TMOD1: variants seen among roughly 807,000 people sequenced by gnomAD.
TMOD1 encodes the protein tropomodulin-1.
In TMOD1, 17 loss-of-function variants were observed where a neutral mutation model predicts 40.6. The ratio of observed to expected loss-of-function variants is 0.42; its 90% confidence interval spans 0.29 to 0.63. The LOEUF is 0.63. Among genes scored for constraint, TMOD1 ranks in the 20% least tolerant of loss-of-function variants. The pLI, the probability that TMOD1 is intolerant of heterozygous loss-of-function variation, is 0.22. For synonymous variants in TMOD1, 181 were observed against 175.0 expected (o/e 1.03, Z -0.27); for missense variants, 391 against 447.6 (o/e 0.87, Z 1.14).
intron 3 of TMOD1, among the ~76,000 whole-genome samples, chr9:97,550,420 C>A (rs905109765): frequency 2.6e-5 from 4 of 152,114 alleles, no homozygotes; most frequent in Non-Finnish European, 5.9e-5. Context: ...TATAGTAATT[C>A]TATGTTTAAT....
At position 97,568,534 on chromosome 9, in the gene TMOD1, G is replaced by T. The variant is rs572556720; in HGVS notation, c.727-360G>T. On this transcript the variant is annotated intron_variant, in intron 7 of 9. Coordinates refer to ENST00000259365, the MANE Select transcript of TMOD1 (RefSeq NM_003275.4). ...CTTGGACAGGGAAGCAGAAAGGGAA[G>T]GGAATTCCAGGTGGGAGGGAAAGAA... 1.8e-4 allele frequency among the ~76,000 whole-genome samples: 28 copies of T among 152,270 alleles called. No homozygotes were observed. The South Asian group carries it at 5.6e-3, about 30-fold the overall frequency.
At chr9:97,576,966 T>C (rs145781252) in intron 8 of TMOD1, among the ~76,000 whole-genome samples, 416 of 152,022 alleles carry the variant, frequency 2.7e-3, no homozygotes, top group African/African-American at 9.5e-3. Context: ...CGGAAGGGGG[T>C]GGGACTGGGA....
chr9:97,542,789 G>T (rs994762697), intron 2 of TMOD1, among the ~76,000 whole-genome samples: 4 of 149,458 alleles, frequency 2.7e-5, no homozygotes, highest in East Asian at 2.0e-4. Flanking sequence ...GGCAGAAGTT[G>T]CAGTGAGCCG....
intron 2 of TMOD1, among the ~76,000 whole-genome samples, chr9:97,538,484 C>T (rs1344744091): frequency 6.6e-6 from 1 of 151,158 alleles, no homozygotes. Flanking sequence ...AAAAAAAGCA[C>T]TTGCCCAGCA....
At position 97,578,969 on chromosome 9, in the gene TMOD1, C is replaced by T. The variant is rs557265036; in HGVS notation, c.870+9932C>T. On this transcript the variant is annotated intron_variant, in intron 8 of 9. Coordinates refer to ENST00000259365, the MANE Select transcript of TMOD1 (RefSeq NM_003275.4). ...AGGAGCTGCCAGTTCCTTCTTGGGG[C>T]CTCAGATGGTTGCTGTGCCATCTCC... Among the ~76,000 whole-genome samples, 5 of 152,256 alleles carry T rather than the reference C, an allele frequency of 3.3e-5. No individual in the cohort carries two copies. In the East Asian group the frequency reaches 7.7e-4, roughly 24 times the overall value.
intron 2 of TMOD1, among the ~76,000 whole-genome samples, chr9:97,540,515 C>G (rs1217479317): frequency 1.3e-5 from 2 of 152,198 alleles, no homozygotes; most frequent in African/African-American, 4.8e-5. Flanking sequence ...AGGGCTTCAA[C>G]GTATGAGTTG....
chr9:97,577,884 T>G (rs1825645505), intron 8 of TMOD1, among the ~76,000 whole-genome samples: 1 of 152,242 alleles, frequency 6.6e-6, no homozygotes, highest in Non-Finnish European at 1.5e-5. Flanking sequence ...GTAAAATGTT[T>G]ATGACATTGT....
At chr9:97,515,823 C>T (rs1829796097) in intron 1 of TMOD1, among the ~76,000 whole-genome samples, 1 of 152,118 alleles carries the variant, frequency 6.6e-6, no homozygotes. Context: ...CTCCCTCTCC[C>T]TGTTTCTCCT....
At chr9:97,546,929 CAAA>C (rs71308254) in intron 3 of TMOD1, among the ~76,000 whole-genome samples, 2 of 55,198 alleles carry the variant, frequency 3.6e-5, no homozygotes, top group Admixed American at 2.2e-4. Context: ...ACTCCGTCTC[CAAA>C]AAAAAAAAAA....
rs1366565671 is a variant in TMOD1, at chr9:97,557,187, TG to T, written c.397+3788del. Among the ~76,000 whole-genome samples the T allele has an allele frequency of 6.6e-6, 1 of 152,048 alleles. No homozygotes were observed. The highest frequency in any genetic ancestry group is 1.5e-5 in the Non-Finnish European group (1 of 68,012). ...CTTAAAATCTTTTATCACTTCAACA[TG>T]TAGATTTCAACATTAAAAGCGTCCC... On this transcript the variant is annotated intron_variant, in intron 4 of 9. Coordinates refer to ENST00000259365, the MANE Select transcript of TMOD1 (RefSeq NM_003275.4). The surrounding 1 kb of genome is among the most constrained non-coding windows in gnomAD (Gnocchi z 4.4).
intron 1 of TMOD1, among the ~76,000 whole-genome samples, chr9:97,511,230 T>C (rs1829692892): frequency 6.6e-6 from 1 of 152,104 alleles, no homozygotes; most frequent in African/African-American, 2.4e-5. Flanking sequence ...AAACACTATG[T>C]TTAGTGTGTT....
intron 9 of TMOD1, among the ~76,000 whole-genome samples, chr9:97,594,955 C>G (rs940979275): frequency 6.6e-6 from 1 of 152,114 alleles, no homozygotes; most frequent in Non-Finnish European, 1.5e-5. Context: ...GTTGGGGTAT[C>G]GTGTGGAGGG....
At chr9:97,535,824 G>A (rs1205129263) in intron 2 of TMOD1, among the ~76,000 whole-genome samples, 1 of 152,226 alleles carries the variant, frequency 6.6e-6, no homozygotes, top group Non-Finnish European at 1.5e-5. Context: ...GTTGACTGGG[G>A]AAATGGCAGC....
At chr9:97,576,033 G>GA (rs1830933167) in intron 8 of TMOD1, among the ~76,000 whole-genome samples, 1 of 151,942 alleles carries the variant, frequency 6.6e-6, no homozygotes, top group Non-Finnish European at 1.5e-5. Flanking sequence ...TTCGTAACAC[G>GA]AAAAAACAGA....
At chr9:97,559,772 TAAAAAAAAAAAA>T (rs58522887) in intron 4 of TMOD1, among the ~76,000 whole-genome samples, 3 of 36,846 alleles carry the variant, frequency 8.1e-5, no homozygotes, top group African/African-American at 1.1e-4. Flanking sequence ...CTCAAAAATT[TAAAAAAAAAAAA>T]AAAAAAAAAA....
chr9:97,598,144 C>G (rs866451562), intron 9 of TMOD1, among the ~76,000 whole-genome samples: 14 of 151,984 alleles, frequency 9.2e-5, no homozygotes, highest in South Asian at 6.2e-4. Flanking sequence ...GCCTAGCCAA[C>G]ATGGTGAACC....
At chr9:97,547,553 T>C (rs1462836153) in intron 3 of TMOD1, among the ~76,000 whole-genome samples, 1 of 152,234 alleles carries the variant, frequency 6.6e-6, no homozygotes, top group African/African-American at 2.4e-5. Context: ...GAAGGTTAAG[T>C]GAGTTCAGAT....
intron 8 of TMOD1, among the ~76,000 whole-genome samples, chr9:97,585,085 G>T (rs1054207664): frequency 6.6e-6 from 1 of 152,190 alleles, no homozygotes; most frequent in African/African-American, 2.4e-5. Flanking sequence ...AGTTGATGCA[G>T]TTTCTTCCTA....
rs981083516 is a variant in TMOD1 at position 97,557,757 on chromosome 9, G to A, written c.397+4357G>A. Among the ~76,000 whole-genome samples the A allele has an allele frequency of 1.3e-5, 2 of 152,138 alleles. No individual in the cohort carries two copies. Among genetic ancestry groups the A allele is most frequent in the Non-Finnish European group, 2.9e-5 (2 of 68,022 alleles). On this transcript the variant is annotated intron_variant, in intron 4 of 9. Transcript: ENST00000259365. The surrounding 1 kb of genome is among the most constrained non-coding windows in gnomAD (Gnocchi z 4.4). ...GTGCTGTTATCTCTCTGCGTCCTGA[G>A]TGGAATTACCAAATGAGTGAACTCT...
Sources: allele counts gnomAD v4.1 joint callset (sites outside exome capture counted in the v4.1 genomes callset), GRCh38; gene constraint gnomAD v4.1.1; non-coding constraint Gnocchi (gnomAD v3.1); transcripts MANE v1.5; gene names NCBI Gene and HGNC (gene_info 2026-07-23, HGNC 2026-07-21).